Variants in CLSTN2 observed in about 807,000 individuals in gnomAD.
CLSTN2 encodes calsyntenin 2, also known as calsyntenin-2.
Under a neutral mutation model 101.2 loss-of-function variants are expected in CLSTN2, and 48 were observed. The ratio of observed to expected loss-of-function variants is 0.47; its 90% CI spans 0.38 to 0.60. The LOEUF is 0.60. CLSTN2 is among the 20% of genes least tolerant of loss of function. CLSTN2 has a pLI of 0.00. For missense variants in CLSTN2, 1,160 were observed against 1,238.2 expected (o/e 0.94, Z 0.95); for synonymous variants, 481 against 463.6 (o/e 1.04, Z -0.48).
intron 1 of CLSTN2, among the ~76,000 whole-genome samples, chr3:139,940,705 A>C (rs1000822650): frequency 1.3e-5 from 2 of 152,184 alleles, no homozygotes; most frequent in African/African-American, 4.8e-5. Context: ...ACATGCATAC[A>C]CACGCATTTG....
At chr3:140,311,369 G>A (rs1330015141) in intron 2 of CLSTN2, among the ~76,000 whole-genome samples, 3 of 120,828 alleles carry the variant, frequency 2.5e-5, no homozygotes, top group Middle Eastern at 6.9e-3. Flanking sequence ...GCAGTGGCCT[G>A]ATCTTGGCTC....
intron 2 of CLSTN2, among the ~76,000 whole-genome samples, chr3:140,183,895 T>A (rs983963518): frequency 4.6e-5 from 7 of 152,256 alleles, no homozygotes; most frequent in Non-Finnish European, 1.0e-4. Context: ...ACAGTAGTAA[T>A]GGTGAAGTTG....
chr3:140,376,141 C>T (rs974978834), intron 2 of CLSTN2, among the ~76,000 whole-genome samples: 3 of 152,186 alleles, frequency 2.0e-5, no homozygotes, highest in Admixed American at 6.5e-5. Flanking sequence ...AACCTAACCA[C>T]TGAACTCAAG....
chr3:140,191,469 GA>G, intron 2 of CLSTN2, among the ~76,000 whole-genome samples: 1 of 152,050 alleles, frequency 6.6e-6, no homozygotes, highest in South Asian at 2.1e-4. Flanking sequence ...AGATTATGTA[GA>G]ATTGGTATTA....
intron 2 of CLSTN2, among the ~76,000 whole-genome samples, chr3:140,294,877 A>G (rs2086988373): frequency 6.6e-6 from 1 of 152,048 alleles, no homozygotes; most frequent in Non-Finnish European, 1.5e-5. Flanking sequence ...GACTGCTTGT[A>G]TTCTTTCATG....
chr3:140,105,278 A>C (rs2009037136), intron 1 of CLSTN2, among the ~76,000 whole-genome samples: 2 of 152,156 alleles, frequency 1.3e-5, no homozygotes, highest in South Asian at 4.1e-4. Context: ...CTTAGGACAG[A>C]CTCTTGGTTG....
intron 8 of CLSTN2, among the ~76,000 whole-genome samples, chr3:140,469,934 T>C (rs1293472410): frequency 6.6e-6 from 1 of 152,150 alleles, no homozygotes; most frequent in Non-Finnish European, 1.5e-5. Flanking sequence ...ATGTTGCCAT[T>C]TTTTACTCTC....
chr3:139,958,966 C>T (rs991946542), intron 1 of CLSTN2, among the ~76,000 whole-genome samples: 4 of 151,490 alleles, frequency 2.6e-5, no homozygotes, highest in African/African-American at 9.7e-5. Flanking sequence ...AGGTGGGAAA[C>T]TACGTCCTCC....
At chr3:140,206,868 T>C (rs1315723358) in intron 2 of CLSTN2, among the ~76,000 whole-genome samples, 1 of 152,166 alleles carries the variant, frequency 6.6e-6, no homozygotes, top group East Asian at 1.9e-4. Context: ...AATAGACATC[T>C]GGTGGGCAGA....
chr3:140,335,559 G>C (rs1174919406), intron 2 of CLSTN2, among the ~76,000 whole-genome samples: 2 of 152,138 alleles, frequency 1.3e-5, no homozygotes, highest in Non-Finnish European at 1.5e-5. Context: ...TCCTCCACAG[G>C]ACCTGGGTCT....
At chr3:140,559,559 C>CG (rs1576626984) in intron 12 of CLSTN2, among the ~76,000 whole-genome samples, 21 of 4,674 alleles carry the variant, frequency 4.5e-3, no homozygotes, top group Middle Eastern at 0.083. Context: ...TGGCGGGGGT[C>CG]AGGGGGGCGG....
At chr3:140,147,027 A>G (rs1445005765) in intron 1 of CLSTN2, among the ~76,000 whole-genome samples, 1 of 152,262 alleles carries the variant, frequency 6.6e-6, no homozygotes, top group Non-Finnish European at 1.5e-5. Flanking sequence ...TGAACAAATT[A>G]ATGATTGAAT....
chr3:140,314,506 T>G (rs1459961792), intron 2 of CLSTN2, among the ~76,000 whole-genome samples: 3 of 152,178 alleles, frequency 2.0e-5, no homozygotes, highest in African/African-American at 7.2e-5. Context: ...AGAGGCCTCA[T>G]GGGACTTCTG....
intron 2 of CLSTN2, among the ~76,000 whole-genome samples, chr3:140,253,875 C>T (rs2086583987): frequency 6.6e-6 from 1 of 152,014 alleles, no homozygotes; most frequent in Non-Finnish European, 1.5e-5. Flanking sequence ...ACTTCTGGAG[C>T]TCCCAAGGGC....
chr3:140,348,561 T>C (rs908772737), intron 2 of CLSTN2, among the ~76,000 whole-genome samples: 1 of 152,050 alleles, frequency 6.6e-6, no homozygotes, highest in African/African-American at 2.4e-5. Flanking sequence ...TCAACATGAG[T>C]TTCACTATTT....
intron 1 of CLSTN2, among the ~76,000 whole-genome samples, chr3:140,042,750 A>C (rs2007787485): frequency 6.6e-6 from 1 of 151,902 alleles, no homozygotes; most frequent in Admixed American, 6.6e-5. Flanking sequence ...TTCAATTCCC[A>C]CCTATGAGTG....
At chr3:140,012,516 G>T (rs1367787725) in intron 1 of CLSTN2, among the ~76,000 whole-genome samples, 1 of 152,188 alleles carries the variant, frequency 6.6e-6, no homozygotes, top group African/African-American at 2.4e-5. Context: ...AGCAGCTCCA[G>T]ATAATGCATC....
At chr3:140,351,009 G>T (rs1186542962) in intron 2 of CLSTN2, among the ~76,000 whole-genome samples, 1 of 152,124 alleles carries the variant, frequency 6.6e-6, no homozygotes, top group Non-Finnish European at 1.5e-5. Context: ...GAGAATTAGT[G>T]CTGAGGAAAA....
At chr3:140,525,881 A>T (rs1576611860) in intron 8 of CLSTN2, among the ~76,000 whole-genome samples, 1 of 152,252 alleles carries the variant, frequency 6.6e-6, no homozygotes, top group Middle Eastern at 3.4e-3. Flanking sequence ...TCCCTTCATG[A>T]TAAAAACCTT....
Sources: gnomAD v4.1 joint callset for allele counts (sites outside exome capture counted in the v4.1 genomes callset) on GRCh38, gnomAD v4.1.1 for gene constraint, MANE v1.5 for transcripts, NCBI Gene and HGNC (gene_info 2026-07-23, HGNC 2026-07-21) for gene names.